SARDH: variants seen among roughly 807,000 people sequenced by gnomAD.
SARDH encodes sarcosine dehydrogenase, mitochondrial.
In SARDH, 95 loss-of-function variants were observed where a neutral mutation model predicts 109.1. The observed-to-expected ratio is 0.87, with a 90% CI of 0.74 to 1.03. SARDH has a LOEUF of 1.03. Ranked by LOEUF, SARDH falls within the 50% of genes least tolerant of loss-of-function variation. The probability of loss-of-function intolerance (pLI) is 0.00; values close to 1 mark genes in which losing one functional copy is unlikely to be tolerated. For synonymous variants in SARDH, 572 were observed against 534.8 expected (o/e 1.07, Z -0.96); for missense variants, 1,267 against 1,287.8 (o/e 0.98, Z 0.25).
chr9:133,681,917 C>T (rs73564114), intron 17 of SARDH, among the ~76,000 whole-genome samples: 17,596 of 152,028 alleles, frequency 0.12, 3,064 homozygotes, highest in African/African-American at 0.38. Flanking sequence ...TCCCCTCCCC[C>T]CCATCCCACA....
chr9:133,690,511 C>T lies in SARDH; in HGVS notation c.1938G>A (p.Leu646=). 6.2e-7 allele frequency: 1 copy of T among 1,603,692 alleles called. No homozygotes were observed. Among genetic ancestry groups the T allele is most frequent in the Non-Finnish European group, 8.5e-7 (1 of 1,177,444 alleles). The part of the protein sequence containing the change: ...APAFEGDGYY[L]AMGGAVAQHN... Reference sequence around the variant, plus strand: ...GCTGGGCCACGGCCCCGCCCATGGCCAGGTAGTAACCGTCCCCTGGAAGAG... The same window carrying T: ...GCTGGGCCACGGCCCCGCCCATGGCTAGGTAGTAACCGTCCCCTGGAAGAG... Residue 646 remains leucine, a synonymous_variant, in exon 16 of 21, where the codon CTG becomes CTA. Coordinates refer to ENST00000439388, the MANE Select transcript of SARDH (RefSeq NM_001134707.2).
rs981815655 is a variant in SARDH, at chr9:133,709,883, C to A, written c.1329-1455G>T. Among the ~76,000 whole-genome samples the A allele has an allele frequency of 6.6e-6, 1 of 152,072 alleles. No homozygotes were observed. The highest frequency in any genetic ancestry group is 6.6e-5 in the Admixed American group (1 of 15,262). Reference sequence around the variant, plus strand: ...CCACGGCAAAGGCAGCCCACACCTGCGCCAGGCTATGCTGACCAGGAGCTG... The same window carrying A: ...CCACGGCAAAGGCAGCCCACACCTGAGCCAGGCTATGCTGACCAGGAGCTG... On this transcript the variant is annotated intron_variant, in intron 10 of 20. Transcript: ENST00000439388. The surrounding 1 kb of genome is among the most constrained non-coding windows in gnomAD (Gnocchi z 4.2).
At chr9:133,717,612 C>A (rs982422789) in intron 7 of SARDH, among the ~76,000 whole-genome samples, 157 bp from the exon 8 acceptor site, 4 of 152,092 alleles carry the variant, frequency 2.6e-5, no homozygotes, top group African/African-American at 4.8e-5. Flanking sequence ...GTTTGTCTCC[C>A]CCACCCACCA....
chr9:133,731,421 G>T lies in SARDH; in HGVS notation c.574C>A (p.Pro192Thr). ...TAGAGGTCGTCCACATTCATCAGCG[G>T]GTACAGAGTCTTGGTCTCTGCCGGG... ...LSPAETKTLYPLMNVDDLYGT... is the reference protein window; with the variant it reads ...LSPAETKTLYTLMNVDDLYGT... Residue 192 changes from proline to threonine, a missense_variant, in exon 4 of 21, where the codon CCG (proline) becomes ACG (threonine). Pro to Thr is a conservative substitution (Grantham distance 38). Coordinates refer to ENST00000439388, the MANE Select transcript of SARDH (RefSeq NM_001134707.2). 6.2e-7 allele frequency: 1 copy of T among 1,614,180 alleles called. No homozygotes were observed. The highest frequency in any genetic ancestry group is 8.5e-7 in the Non-Finnish European group (1 of 1,180,034).
At chr9:133,670,004 G>A (rs535247536) in intron 19 of SARDH, among the ~76,000 whole-genome samples, 1 of 152,204 alleles carries the variant, frequency 6.6e-6, no homozygotes, top group Non-Finnish European at 1.5e-5. Context: ...TGGCCTGGGA[G>A]GGGCCCCAGG....
downstream of SARDH, among the ~76,000 whole-genome samples, chr9:133,659,967 A>T (rs1210856950): frequency 6.6e-6 from 1 of 151,730 alleles, no homozygotes; most frequent in Non-Finnish European, 1.5e-5. Flanking sequence ...GGAAACTGAG[A>T]CTCCCAGATA....
At chr9:133,703,670 G>C (rs567840983) in intron 12 of SARDH, 1 of 137,306 alleles carries the variant, frequency 7.3e-6, no homozygotes, top group Non-Finnish European at 1.6e-5. Flanking sequence ...CCCCCACCCC[G>C]CCACCTGCCC....
chr9:133,731,520 G>C (rs761632166), intron 3 of SARDH, 36 bp from the exon 4 acceptor site: 2 of 1,605,848 alleles, frequency 1.2e-6, no homozygotes, highest in South Asian at 1.1e-5. Context: ...TGAGTCCGTG[G>C]GGAGCAGACC....
intron 14 of SARDH, among the ~76,000 whole-genome samples, chr9:133,695,207 C>G (rs1170547230): frequency 6.6e-6 from 1 of 152,164 alleles, no homozygotes; most frequent in Non-Finnish European, 1.5e-5. Flanking sequence ...CTTTGGGAGG[C>G]TGAGGTGGGA....
chr9:133,697,799 T>A (rs1471783339), intron 13 of SARDH, among the ~76,000 whole-genome samples: 2 of 152,078 alleles, frequency 1.3e-5, no homozygotes, highest in African/African-American at 2.4e-5. Flanking sequence ...AAAAATCACA[T>A]TGCAAACATT....
chr9:133,672,633 C>T (rs1830388924), intron 17 of SARDH, among the ~76,000 whole-genome samples: 1 of 152,234 alleles, frequency 6.6e-6, no homozygotes, highest in African/African-American at 2.4e-5. Flanking sequence ...AGCCCGTCAC[C>T]CACCAATTCT....
At chr9:133,721,674 T>A (rs1832330674) in intron 6 of SARDH, among the ~76,000 whole-genome samples, 1 of 152,218 alleles carries the variant, frequency 6.6e-6, no homozygotes, top group South Asian at 2.1e-4. Context: ...TGTGTGTGCG[T>A]ATTCAGAAAA....
intron 6 of SARDH, among the ~76,000 whole-genome samples, chr9:133,722,706 G>T (rs1303873477): frequency 6.8e-6 from 1 of 147,216 alleles, no homozygotes; most frequent in Admixed American, 6.8e-5. Context: ...ACAGAGTCCT[G>T]CTCTATCGCC....
intron 1 of SARDH, among the ~76,000 whole-genome samples, 161 bp from the exon 2 acceptor site, chr9:133,734,364 C>CTCATTCATTCACTCAT (rs1832797146): frequency 6.8e-6 from 1 of 147,376 alleles, no homozygotes; most frequent in South Asian, 2.1e-4. Flanking sequence ...CATTCATTCA[C>CTCATTCATTCACTCAT]TCATTCATTC....
chr9:133,716,959 G>A (rs996156193), intron 8 of SARDH, among the ~76,000 whole-genome samples: 4 of 152,186 alleles, frequency 2.6e-5, no homozygotes, highest in Non-Finnish European at 5.9e-5. Flanking sequence ...GCCTCACAGG[G>A]TGCTGGGATG....
Position 133,666,657 on chromosome 9 carries a change from G to C in SARDH, c.2631+78C>G, listed in dbSNP as rs963064617. On this transcript the variant is annotated intron_variant, in intron 20 of 20. Coordinates refer to ENST00000439388, the MANE Select transcript of SARDH (RefSeq NM_001134707.2). The surrounding 1 kb of genome is among the most constrained non-coding windows in gnomAD (Gnocchi z 5.2). ...CTCCTCCCTATGCCCGGCACACTCA[G>C]GGTGCAGTGCAGGGAGCTGGTTTGG... 2 of 1,533,090 alleles carry C rather than the reference G, an allele frequency of 1.3e-6. No homozygotes were observed. The highest frequency in any genetic ancestry group is 2.0e-5 in the Admixed American group (1 of 50,682). 95.0% of individuals were successfully genotyped at this position (1,533,090 alleles called of 1,614,324 possible). A position where few individuals can be genotyped will look rare whatever the true frequency, so the allele number is the denominator to read the frequency against.
At chr9:133,739,043 A>G (rs1832977056), upstream of SARDH, among the ~76,000 whole-genome samples, 1 of 152,116 alleles carries the variant, frequency 6.6e-6, no homozygotes, top group Admixed American at 6.5e-5. Context: ...CTGGTGGAGG[A>G]GGCAGACCGG....
chr9:133,720,284 C>A (rs570982152), intron 6 of SARDH, among the ~76,000 whole-genome samples: 2 of 150,766 alleles, frequency 1.3e-5, no homozygotes, highest in Non-Finnish European at 3.0e-5. Flanking sequence ...AAAAATTAAC[C>A]GGGCGTGGTG....
chr9:133,683,242 C>G (rs1359886881), intron 17 of SARDH, among the ~76,000 whole-genome samples: 1 of 152,204 alleles, frequency 6.6e-6, no homozygotes, highest in Admixed American at 6.5e-5. Flanking sequence ...GCTGGAGCCG[C>G]CTGTCTGAGA....
Sources: gnomAD v4.1 joint callset for allele counts (sites outside exome capture counted in the v4.1 genomes callset) on GRCh38, gnomAD v4.1.1 for gene constraint, Gnocchi (gnomAD v3.1) non-coding constraint, MANE v1.5 for transcripts, NCBI Gene and HGNC (gene_info 2026-07-23, HGNC 2026-07-21) for gene names.